Variants in FAM174A observed in about 807,000 individuals in gnomAD.
FAM174A encodes family with sequence similarity 174 member A.
In FAM174A, 14 loss-of-function variants were observed where a neutral mutation model predicts 14.3. The observed-to-expected ratio is 0.98, with a 90% CI of 0.65 to 1.53. The LOEUF is 1.53. FAM174A is among the 40% of genes most tolerant of loss of function. The probability of loss-of-function intolerance (pLI) is 0.00; values close to 1 mark genes in which losing one functional copy is unlikely to be tolerated. For synonymous variants in FAM174A, 108 were observed against 111.4 expected (o/e 0.97, Z 0.19); for missense variants, 241 against 249.6 (o/e 0.97, Z 0.23).
At chr5:100,553,481 C>G (rs1176365156) in intron 1 of FAM174A, among the ~76,000 whole-genome samples, 1 of 151,972 alleles carries the variant, frequency 6.6e-6, no homozygotes, top group Non-Finnish European at 1.5e-5. Flanking sequence ...TTATCACTGC[C>G]TATAACTTTG....
intron 2 of FAM174A, 82 bp from the exon 3 acceptor site, chr5:100,586,099 C>T (rs1307133671): frequency 1.8e-5 from 13 of 712,864 alleles, no homozygotes; most frequent in Non-Finnish European, 2.9e-5. Context: ...TCCTTCCCCT[C>T]CAAATCTTTC....
intron 1 of FAM174A, among the ~76,000 whole-genome samples, chr5:100,550,862 G>A (rs1231895429): frequency 1.3e-5 from 2 of 152,156 alleles, no homozygotes; most frequent in South Asian, 2.1e-4. Flanking sequence ...TGGCCATCAT[G>A]AGGAACTGAG....
chr5:100,539,972 A>G (rs1055542355), intron 1 of FAM174A, among the ~76,000 whole-genome samples: 2 of 152,162 alleles, frequency 1.3e-5, no homozygotes, highest in African/African-American at 4.8e-5. Flanking sequence ...TCCTACCTCA[A>G]CTCCCTGCAT....
intron 2 of FAM174A, among the ~76,000 whole-genome samples, chr5:100,571,299 T>C (rs1178572134): frequency 6.6e-6 from 1 of 151,732 alleles, no homozygotes; most frequent in Non-Finnish European, 1.5e-5. Context: ...CATTATTTCT[T>C]CCTTAAGTAT....
chr5:100,536,031 G>C, intron 1 of FAM174A, 67 bp downstream of exon 1: 4 of 1,414,700 alleles, frequency 2.8e-6, no homozygotes, highest in Non-Finnish European at 3.8e-6. Context: ...TCTCCAGCAA[G>C]GCTGACTTCT....
intron 2 of FAM174A, among the ~76,000 whole-genome samples, chr5:100,581,738 C>T (rs188359931): frequency 6.6e-6 from 1 of 152,234 alleles, no homozygotes; most frequent in Non-Finnish European, 1.5e-5. Flanking sequence ...AGCCCCTGAA[C>T]AGCATGAAAA....
intron 2 of FAM174A, among the ~76,000 whole-genome samples, chr5:100,572,868 A>G (rs2112397063): frequency 6.6e-6 from 1 of 152,254 alleles, no homozygotes; most frequent in African/African-American, 2.4e-5. Flanking sequence ...AGTCCCACCA[A>G]CAGTGTAAAA....
intron 2 of FAM174A, among the ~76,000 whole-genome samples, chr5:100,584,372 T>C (rs1173765999): frequency 6.6e-6 from 1 of 152,196 alleles, no homozygotes; most frequent in Non-Finnish European, 1.5e-5. Flanking sequence ...CACTTTAATC[T>C]GTATTAAAAA....
chr5:100,583,963 G>T (rs1029598599), intron 2 of FAM174A, among the ~76,000 whole-genome samples: 4 of 152,158 alleles, frequency 2.6e-5, no homozygotes, highest in African/African-American at 9.7e-5. Context: ...TGTATTTGGA[G>T]GCCAGTAGAC....
At chr5:100,555,015 T>G (rs1022090934) in intron 1 of FAM174A, among the ~76,000 whole-genome samples, 31 of 152,070 alleles carry the variant, frequency 2.0e-4, no homozygotes, top group Non-Finnish European at 3.4e-4. Flanking sequence ...GCCATGTTGG[T>G]GTGCTGTACC....
intron 1 of FAM174A, among the ~76,000 whole-genome samples, chr5:100,552,217 T>C (rs1221309004): frequency 6.6e-6 from 1 of 152,202 alleles, no homozygotes; most frequent in Non-Finnish European, 1.5e-5. Flanking sequence ...GGTTCACTAA[T>C]TTTTATTCAT....
intron 2 of FAM174A, among the ~76,000 whole-genome samples, chr5:100,581,092 C>A (rs768773966): frequency 7.9e-5 from 12 of 152,050 alleles, no homozygotes; most frequent in Non-Finnish European, 1.5e-5. Context: ...CCATGCCAGG[C>A]TAATTTTCTG....
chr5:100,555,945 A>C (rs1287147795), intron 1 of FAM174A, among the ~76,000 whole-genome samples: 1 of 151,914 alleles, frequency 6.6e-6, no homozygotes, highest in East Asian at 1.9e-4. Context: ...TCTTTAGTTT[A>C]ATTGGATCCC....
chr5:100,549,607 A>AT (rs202143815), intron 1 of FAM174A, among the ~76,000 whole-genome samples: 2,384 of 138,700 alleles, frequency 0.017, 27 homozygotes, highest in African/African-American at 0.03. Context: ...CACGCTTTTG[A>AT]TTTTTTTTTT....
intron 1 of FAM174A, among the ~76,000 whole-genome samples, chr5:100,542,861 T>C (rs980083491): frequency 1.2e-4 from 18 of 152,100 alleles, no homozygotes; most frequent in African/African-American, 4.3e-4. Context: ...TGTGTGTGTG[T>C]GTGTATAATA....
intron 2 of FAM174A, among the ~76,000 whole-genome samples, chr5:100,566,535 A>G (rs554152558): frequency 6.6e-6 from 1 of 151,960 alleles, no homozygotes; most frequent in South Asian, 2.1e-4. Context: ...ATAGTTAACA[A>G]TACAATACAG....
intron 2 of FAM174A, among the ~76,000 whole-genome samples, chr5:100,567,863 T>G (rs1746696178): frequency 6.6e-6 from 1 of 151,918 alleles, no homozygotes; most frequent in Non-Finnish European, 1.5e-5. Flanking sequence ...TGCACCTGTT[T>G]AAGGTTTTCC....
intron 2 of FAM174A, among the ~76,000 whole-genome samples, chr5:100,570,623 G>C (rs956664586): frequency 6.6e-6 from 1 of 151,858 alleles, no homozygotes; most frequent in Non-Finnish European, 1.5e-5. Context: ...TAATCTCTTA[G>C]ATCCTTTAAA....
intron 1 of FAM174A, among the ~76,000 whole-genome samples, chr5:100,542,138 G>A (rs954712571): frequency 6.6e-6 from 1 of 152,150 alleles, no homozygotes; most frequent in African/African-American, 2.4e-5. Flanking sequence ...TCTGGGCCCT[G>A]CTTTCACTGT....
Sources: allele counts gnomAD v4.1 joint callset (sites outside exome capture counted in the v4.1 genomes callset), GRCh38; gene constraint gnomAD v4.1.1; transcripts MANE v1.5; gene names NCBI Gene and HGNC (gene_info 2026-07-23, HGNC 2026-07-21).